The following ECT2 variants were observed in gnomAD, a reference collection of about 807,000 sequenced individuals.
ECT2 encodes epithelial cell transforming 2, also known as protein ECT2.
A neutral mutation model predicts 116.9 loss-of-function variants in ECT2; 61 were observed. That is an observed-to-expected ratio of 0.52 (90% CI 0.42 to 0.65). The LOEUF is 0.65. Among genes scored for constraint, ECT2 ranks in the 30% least tolerant of loss-of-function variants. The pLI, the probability that ECT2 is intolerant of heterozygous loss-of-function variation, is 0.00. For missense variants in ECT2, 937 were observed against 1,078.7 expected (o/e 0.87, Z 1.84); for synonymous variants, 358 against 346.4 (o/e 1.03, Z -0.37).
At chr3:172,781,460 T>C (rs999191912) in intron 14 of ECT2, among the ~76,000 whole-genome samples, 2 of 152,204 alleles carry the variant, frequency 1.3e-5, no homozygotes, top group African/African-American at 4.8e-5. Context: ...GTTGAAACTT[T>C]AGAGAGTCTT....
At chr3:172,823,073 AG>A (rs1382283957), downstream of ECT2, among the ~76,000 whole-genome samples, 2 of 152,118 alleles carry the variant, frequency 1.3e-5, no homozygotes, top group Non-Finnish European at 2.9e-5. Context: ...TAGTCAGTAT[AG>A]GAGAAAAATA....
chr3:172,793,100 G>A (rs570399819), intron 18 of ECT2, among the ~76,000 whole-genome samples: 1 of 152,280 alleles, frequency 6.6e-6, no homozygotes, highest in South Asian at 2.1e-4. Context: ...AGTGTGTGGT[G>A]TTCCAGAGCT....
chr3:172,760,805 C>G (rs1258313517), intron 7 of ECT2, among the ~76,000 whole-genome samples: 2 of 148,946 alleles, frequency 1.3e-5, no homozygotes, highest in Non-Finnish European at 3.0e-5. Context: ...ACTGCAAGCT[C>G]CGCCTCCTGG....
rs149728601 is a variant in ECT2 at position 172,796,847 on chromosome 3, T to G, written c.1908-5769T>G. On this transcript the variant is annotated intron_variant, in intron 18 of 24. Transcript: ENST00000392692. ...ACGCCCTGCTAATTTTTAGTAGATATGAGGTTTCGCTATGTTGGCCAGGCT... is the reference window on the plus strand; with the variant it reads ...ACGCCCTGCTAATTTTTAGTAGATAGGAGGTTTCGCTATGTTGGCCAGGCT... Among the ~76,000 whole-genome samples, 3 of 152,016 alleles carry G rather than the reference T, an allele frequency of 2.0e-5. No homozygotes were observed. In the East Asian group the frequency reaches 5.8e-4, roughly 29 times the overall value.
At chr3:172,818,102 G>A (rs141366578) in intron 24 of ECT2, among the ~76,000 whole-genome samples, 20 of 152,086 alleles carry the variant, frequency 1.3e-4, no homozygotes, top group Admixed American at 2.6e-4. Context: ...TAAAATTTCC[G>A]CAGGTAAGAC....
intron 22 of ECT2, among the ~76,000 whole-genome samples, chr3:172,808,937 G>A (rs1728244015): frequency 6.6e-6 from 1 of 152,120 alleles, no homozygotes; most frequent in Non-Finnish European, 1.5e-5. Flanking sequence ...CCAATAATAT[G>A]TTCTTATAAA....
rs1730543353 is a variant in ECT2 at position 172,820,407 on chromosome 3, T to TA, written c.*171dup. 5.1e-6 allele frequency: 2 copies of TA among 394,886 alleles called. No individual in the cohort carries two copies. The highest frequency in any genetic ancestry group is 7.6e-5 in the East Asian group (2 of 26,332). 24.5% of individuals were successfully genotyped at this position (394,886 alleles called of 1,614,324 possible). ...TCTTGAAAGAGTAAGGTTTACCTGTTACATTTTCAAGTTAATTCATGTAAA... is the reference window on the plus strand; with the variant it reads ...TCTTGAAAGAGTAAGGTTTACCTGTTAACATTTTCAAGTTAATTCATGTAAA... On this transcript the variant is annotated 3_prime_UTR_variant, in exon 25 of 25. Transcript: ENST00000392692.
intron 22 of ECT2, among the ~76,000 whole-genome samples, chr3:172,810,420 G>A (rs548595750): frequency 3.3e-5 from 5 of 152,196 alleles, no homozygotes; most frequent in East Asian, 3.9e-4. Flanking sequence ...ATAGACCAAC[G>A]ATTGGACATA....
Position 172,802,915 on chromosome 3 carries a change from C to G in ECT2, c.2041C>G (p.Leu681Val), listed in dbSNP as rs767077580. ...AGTACAGCGGGTTGAAACAATTTCT[C>G]TAGGTGAGCACCCCTGTGACAGAGG... ...SLVQRVETISLGEHPCDRGEQ... is the reference protein window; with the variant it reads ...SLVQRVETISVGEHPCDRGEQ... Residue 681 changes from leucine to valine, a missense_variant, in exon 20 of 25, where the codon CTA (leucine) becomes GTA (valine). By Grantham distance (32) the Leu-to-Val change is conservative. Coordinates refer to ENST00000392692, the MANE Select transcript of ECT2 (RefSeq NM_001258315.2). 1.9e-6 allele frequency: 3 copies of G among 1,613,316 alleles called. No individual in the cohort carries two copies. Among genetic ancestry groups the G allele is most frequent in the South Asian group, 1.1e-5 (1 of 91,042 alleles).
chr3:172,809,321 C>T (rs1196809606), intron 22 of ECT2, among the ~76,000 whole-genome samples: 4 of 152,040 alleles, frequency 2.6e-5, no homozygotes, highest in Non-Finnish European at 5.9e-5. Context: ...AATATAATAA[C>T]ATATGGAAGA....
Position 172,757,051 on chromosome 3 carries a change from T to G in ECT2, c.372T>G (p.Phe124Leu). ...EEFEGLDSPE[F>L]ENVFVVTDFQ... is the part of the protein sequence containing the mutation. ...TTGAAGGTTTGGATTCTCCGGAATTTGAAAATGTATTTGTAGTCACGGACT... is the reference window on the plus strand; with the variant it reads ...TTGAAGGTTTGGATTCTCCGGAATTGGAAAATGTATTTGTAGTCACGGACT... Residue 124 changes from phenylalanine to leucine, a missense_variant, in exon 5 of 25, where the codon TTT becomes TTG. Phe to Leu is a conservative substitution (Grantham distance 22). Coordinates refer to ENST00000392692, the MANE Select transcript of ECT2 (RefSeq NM_001258315.2). 1 of 1,611,750 alleles carries G rather than the reference T, an allele frequency of 6.2e-7. No homozygotes were observed. The highest frequency in any genetic ancestry group is 8.5e-7 in the Non-Finnish European group (1 of 1,179,208).
At chr3:172,788,385 T>C (rs1723993889) in intron 18 of ECT2, among the ~76,000 whole-genome samples, 1 of 152,232 alleles carries the variant, frequency 6.6e-6, no homozygotes, top group East Asian at 1.9e-4. Flanking sequence ...TTTCTTAAAC[T>C]ACACATATTT....
At chr3:172,828,379 G>A in the ECT2 span, among the ~76,000 whole-genome samples, 14 of 143,688 alleles carry the variant, frequency 9.7e-5, no homozygotes, top group East Asian at 2.0e-4. Flanking sequence ...TGCATAAAAC[G>A]TGACTAATTG....
rs1296192358 is a variant in ECT2, at chr3:172,755,517, TAAAAG to T, written c.249_253del (p.Glu84LeufsTer7). ...ATAATGGAAGTCCCTGTTATAAAGA[TAAAAG>T]AAAGTTGTCCTGGAAAATCGGATGA... On this transcript the variant is annotated frameshift_variant, in exon 4 of 25. Transcript: ENST00000392692. LOFTEE classifies it high-confidence loss of function. 2.0e-6 allele frequency: 3 copies of T among 1,507,020 alleles called. No individual in the cohort carries two copies. Among genetic ancestry groups the T allele is most frequent in the Non-Finnish European group, 2.7e-6 (3 of 1,117,218 alleles). The allele number at this position is 1,507,020 out of a possible 1,614,324, so 93.4% of individuals were successfully genotyped here.
At chr3:172,760,119 A>G (rs1456664784) in intron 6 of ECT2, 37 bp from the exon 7 acceptor site, 5 of 1,423,776 alleles carry the variant, frequency 3.5e-6, no homozygotes, top group Non-Finnish European at 4.8e-6. Context: ...TGTTCAAATT[A>G]ACCATAAAGT....
At chr3:172,781,954 A>G (rs926733160) in intron 14 of ECT2, among the ~76,000 whole-genome samples, 3 of 152,200 alleles carry the variant, frequency 2.0e-5, no homozygotes, top group African/African-American at 4.8e-5. Context: ...TTTACATTTT[A>G]TATTTTAAAA....
At chr3:172,810,121 A>T (rs569214837) in intron 22 of ECT2, among the ~76,000 whole-genome samples, 2 of 152,324 alleles carry the variant, frequency 1.3e-5, no homozygotes, top group African/African-American at 4.8e-5. Context: ...TGTGGAGGCC[A>T]TTATGATTTC....
intron 18 of ECT2, among the ~76,000 whole-genome samples, chr3:172,794,324 A>C (rs561319279): frequency 6.6e-6 from 1 of 152,306 alleles, no homozygotes; most frequent in Admixed American, 6.5e-5. Flanking sequence ...AAAATATGGA[A>C]ATCTATTCTA....
At chr3:172,751,948 G>A (rs1715943994) in intron 1 of ECT2, among the ~76,000 whole-genome samples, 1 of 152,064 alleles carries the variant, frequency 6.6e-6, no homozygotes. Context: ...TATACATTTT[G>A]AAGCTGTTTT....
Sources: gnomAD v4.1 joint callset for allele counts (sites outside exome capture counted in the v4.1 genomes callset) on GRCh38, gnomAD v4.1.1 for gene constraint, MANE v1.5 for transcripts, NCBI Gene and HGNC (gene_info 2026-07-23, HGNC 2026-07-21) for gene names.